The following PLCE1 variants were observed in gnomAD, a reference collection of about 807,000 sequenced individuals.
PLCE1 encodes the protein 1-phosphatidylinositol 4,5-bisphosphate phosphodiesterase epsilon-1.
In PLCE1, 119 loss-of-function variants were observed where a neutral mutation model predicts 242.8. The ratio of observed to expected loss-of-function variants is 0.49; its 90% confidence interval spans 0.42 to 0.57. The LOEUF (loss-of-function observed/expected upper bound fraction) is 0.57, where lower values mean the gene tolerates loss of function less well. PLCE1 is among the 20% of genes least tolerant of loss of function. The probability of loss-of-function intolerance (pLI) is 0.00; values close to 1 mark genes in which losing one functional copy is unlikely to be tolerated. For synonymous variants in PLCE1, 945 were observed against 1,017.4 expected (o/e 0.93, Z 1.35); for missense variants, 2,441 against 2,788.8 (o/e 0.88, Z 2.81).
chr10:94,294,495 C>G (rs765671114), intron 23 of PLCE1, among the ~76,000 whole-genome samples: 1 of 152,124 alleles, frequency 6.6e-6, no homozygotes, highest in Non-Finnish European at 1.5e-5. Context: ...ATTGCAGGTT[C>G]GGTTCCAGAC....
Position 94,297,590 on chromosome 10 carries a change from TA to T in PLCE1, c.5168-752del, listed in dbSNP as rs71031568. Among the ~76,000 whole-genome samples the T allele has an allele frequency of 2.1e-4, 12 of 56,564 alleles. No homozygotes were observed. In the East Asian group the frequency reaches 2.2e-3, roughly 11 times the overall value. The allele number at this position is 56,564 out of a possible 152,430, so 37.1% of individuals were successfully genotyped here. A position where few individuals can be genotyped will look rare whatever the true frequency, so the allele number is the denominator to read the frequency against. The stretch of plus-strand genomic sequence containing the variant: ...AGGCCTGCCCCAAACTTTAAATTTG[TA>T]AAAAAAAAAAAAAAAAAAAAAAAAA... On this transcript the variant is annotated intron_variant, in intron 23 of 32. Coordinates refer to ENST00000371380, the MANE Select transcript of PLCE1 (RefSeq NM_016341.4).
intron 4 of PLCE1, among the ~76,000 whole-genome samples, chr10:94,189,467 G>A (rs1483821928): frequency 1.3e-5 from 2 of 152,040 alleles, no homozygotes; most frequent in African/African-American, 4.8e-5. Flanking sequence ...CAGTTCTAAG[G>A]TGGATCAAAT....
At chr10:94,004,796 G>A (rs1387364108) in intron 1 of PLCE1, among the ~76,000 whole-genome samples, 1 of 152,170 alleles carries the variant, frequency 6.6e-6, no homozygotes, top group African/African-American at 2.4e-5. Context: ...GGTGAGCAAG[G>A]TCCCCACAGC....
At chr10:94,258,527 AC>A (rs757415011) in intron 11 of PLCE1, among the ~76,000 whole-genome samples, 7 of 152,212 alleles carry the variant, frequency 4.6e-5, no homozygotes, top group Admixed American at 1.3e-4. Flanking sequence ...ATTTCAAAGA[AC>A]TGATTTGATT....
rs962072779 is a variant in PLCE1, at chr10:93,994,249, G to A, written c.-374G>A. 6.6e-6 allele frequency among the ~76,000 whole-genome samples: 1 copy of A among 152,264 alleles called. No homozygotes were observed. The highest frequency in any genetic ancestry group is 1.9e-4 in the East Asian group (1 of 5,182). ...TGGGGACGCCGGCGAGACTCGCCAGGAGCCAAGAGGTGAGGAAGCGACTCT... is the reference window on the plus strand; with the variant it reads ...TGGGGACGCCGGCGAGACTCGCCAGAAGCCAAGAGGTGAGGAAGCGACTCT... On this transcript the variant is annotated 5_prime_UTR_variant, in exon 1 of 33. Transcript: ENST00000371380.
intron 2 of PLCE1, among the ~76,000 whole-genome samples, chr10:94,033,558 G>A (rs1272386065): frequency 6.6e-6 from 1 of 152,036 alleles, no homozygotes; most frequent in Non-Finnish European, 1.5e-5. Context: ...TCCTTTTTGA[G>A]ATTAATGAAA....
intron 13 of PLCE1, among the ~76,000 whole-genome samples, chr10:94,261,016 C>T (rs567066344): frequency 3.9e-5 from 6 of 152,232 alleles, no homozygotes; most frequent in South Asian, 4.1e-4. Flanking sequence ...CCATAGTTAA[C>T]GTTAGGATTC....
chr10:94,324,923 C>A lies in PLCE1; in HGVS notation c.6752C>A (p.Ser2251Tyr), dbSNP rs767697356. The A allele has an allele frequency of 1.1e-5, 18 of 1,614,094 alleles. No individual in the cohort carries two copies. The Admixed American group carries it at 1.2e-4, about 10-fold the overall frequency. Residue 2251 changes from serine (S) to tyrosine (Y), a missense_variant, in exon 32 of 33, where the codon TCT (serine) becomes TAT (tyrosine). Physicochemically the swap from Ser to Tyr is moderately radical, Grantham distance 144. This residue lies in a region of PLCE1 where 310 missense variants were observed against 317.2 expected (regional missense o/e 0.98). Transcript: ENST00000371380. ...CGAGAAGATAAAAAGAAAGGCATTT[C>A]TTTCGCAAGTGAACTCAAGAAGCTC... ...ASREDKKKGI[S>Y]FASELKKLTK...
chr10:94,117,751 C>T (rs902089099), intron 2 of PLCE1, among the ~76,000 whole-genome samples: 3 of 152,160 alleles, frequency 2.0e-5, no homozygotes, highest in Non-Finnish European at 4.4e-5. Flanking sequence ...TGTGTAGTCA[C>T]ACCTGCATTG....
At chr10:94,275,842 A>C (rs1338912196) in intron 19 of PLCE1, among the ~76,000 whole-genome samples, 2 of 152,160 alleles carry the variant, frequency 1.3e-5, no homozygotes, top group African/African-American at 4.8e-5. Flanking sequence ...CTCAAAAAAA[A>C]AAAAAATTCT....
In PLCE1 at chr10:94,178,857, T is replaced by C. The variant is rs1408918422; in HGVS notation, c.1809+7361T>C. 2.0e-5 allele frequency among the ~76,000 whole-genome samples: 3 copies of C among 152,312 alleles called. No individual in the cohort carries two copies. The South Asian group carries it at 6.2e-4, about 32-fold the overall frequency. The stretch of plus-strand genomic sequence containing the variant: ...CACTTGAAATGTTTTAGAAAAAATA[T>C]TGGTTTTTGAATTTGTATATTGAAC... On this transcript the variant is annotated intron_variant, in intron 4 of 32. Transcript: ENST00000371380.
chr10:94,151,508 T>C lies in PLCE1; in HGVS notation c.1492+19049T>C, dbSNP rs140904876. Among the ~76,000 whole-genome samples the C allele has an allele frequency of 5.3e-3, 808 of 152,328 alleles. 6 individuals carry two copies. The highest frequency in any genetic ancestry group is 0.017 in the African/African-American group (714 of 41,574). On this transcript the variant is annotated intron_variant, in intron 3 of 32. Transcript: ENST00000371380. Reference sequence around the variant, plus strand: ...TGAAAAGTTAGATCCAGTTTGGATATCTTGACTTTGAGATGCTGGGACATT... The same window carrying C: ...TGAAAAGTTAGATCCAGTTTGGATACCTTGACTTTGAGATGCTGGGACATT...
At chr10:94,302,619 G>A (rs1311617374) in intron 24 of PLCE1, among the ~76,000 whole-genome samples, 3 of 152,164 alleles carry the variant, frequency 2.0e-5, no homozygotes, top group Admixed American at 6.5e-5. Context: ...ATATGGCTCA[G>A]TAGTTAAGAT....
At chr10:94,203,135 G>C (rs2049035049) in intron 4 of PLCE1, among the ~76,000 whole-genome samples, 4 of 152,150 alleles carry the variant, frequency 2.6e-5, no homozygotes, top group Admixed American at 2.6e-4. Flanking sequence ...TTAGAACTTA[G>C]AAAACATGTC....
intron 2 of PLCE1, among the ~76,000 whole-genome samples, chr10:94,084,025 C>A (rs921002632): frequency 1.1e-4 from 16 of 152,312 alleles, no homozygotes; most frequent in Admixed American, 6.5e-5. Context: ...ACATAGGGCA[C>A]TTAGCACCAT....
At chr10:94,259,235 C>G in intron 13 of PLCE1, 85 bp downstream of exon 13, 3 of 1,354,152 alleles carry the variant, frequency 2.2e-6, no homozygotes, top group Admixed American at 1.7e-5. Flanking sequence ...AACTCTGAGC[C>G]TGTCCCACAT....
chr10:94,309,429 C>T (rs564459526), intron 27 of PLCE1, among the ~76,000 whole-genome samples: 1 of 152,206 alleles, frequency 6.6e-6, no homozygotes, highest in South Asian at 2.1e-4. Flanking sequence ...CTTCCTGGCT[C>T]AAGCAATTCT....
chr10:94,263,185 T>G (rs941434949), intron 14 of PLCE1, among the ~76,000 whole-genome samples: 1 of 152,106 alleles, frequency 6.6e-6, no homozygotes, highest in Admixed American at 6.5e-5. Flanking sequence ...TTGTTTTGTT[T>G]TTTTAACAAA....
intron 23 of PLCE1, among the ~76,000 whole-genome samples, chr10:94,295,647 T>A (rs1431710096): frequency 1.3e-5 from 2 of 152,028 alleles, no homozygotes; most frequent in Admixed American, 1.3e-4. Flanking sequence ...TTCTAGGAGG[T>A]TTTCATTTTA....
Sources: gnomAD v4.1 joint callset for allele counts (sites outside exome capture counted in the v4.1 genomes callset) on GRCh38, gnomAD v4.1.1 for gene constraint, gnomAD v4.1.1 regional missense constraint, MANE v1.5 for transcripts, NCBI Gene and HGNC (gene_info 2026-07-23, HGNC 2026-07-21) for gene names.